MAP3K7: variants seen among roughly 807,000 people sequenced by gnomAD.
MAP3K7 encodes TGF-beta activated kinase 1.
Under a neutral mutation model 84.8 loss-of-function variants are expected in MAP3K7, and 21 were observed. That is an observed-to-expected ratio of 0.25 (90% CI 0.18 to 0.36). The LOEUF (loss-of-function observed/expected upper bound fraction) is 0.36. MAP3K7 is among the 10% of genes least tolerant of loss of function. The pLI, the probability that MAP3K7 is intolerant of heterozygous loss-of-function variation, is 1.00. For missense variants in MAP3K7, 503 were observed against 747.7 expected (o/e 0.67, Z 3.82); for synonymous variants, 241 against 247.7 (o/e 0.97, Z 0.25).
chr6:90,568,426 T>C (rs1776788012), intron 3 of MAP3K7, 132 bp downstream of exon 3: 2 of 660,348 alleles, frequency 3.0e-6, no homozygotes, highest in Non-Finnish European at 5.1e-6. Flanking sequence ...GGTACCTTTT[T>C]ATCTTGAAAA....
intron 12 of MAP3K7, chr6:90,542,417 T>G (rs897803370): frequency 2.2e-5 from 22 of 983,406 alleles, no homozygotes; most frequent in Non-Finnish European, 2.5e-5. Flanking sequence ...TATTTTCATA[T>G]GAATAGCACT....
intron 14 of MAP3K7, among the ~76,000 whole-genome samples, chr6:90,521,966 G>A (rs896851398): frequency 3.3e-5 from 5 of 151,918 alleles, no homozygotes; most frequent in Non-Finnish European, 7.4e-5. Context: ...TTGGTCAGTG[G>A]GCCTTCAAAG....
intron 11 of MAP3K7, 107 bp downstream of exon 11, chr6:90,547,151 T>A: frequency 1.9e-5 from 23 of 1,214,042 alleles, no homozygotes; most frequent in African/African-American, 3.1e-5. Context: ...ACTTCCTATT[T>A]AAAAAAAAAT....
chr6:90,568,181 T>C (rs1181421747), intron 3 of MAP3K7, among the ~76,000 whole-genome samples: 4 of 152,174 alleles, frequency 2.6e-5, no homozygotes, highest in African/African-American at 9.7e-5. Context: ...ACCTGCACGT[T>C]GTGCACATGT....
intron 12 of MAP3K7, chr6:90,536,722 A>T (rs1417281934): frequency 4.5e-6 from 1 of 224,106 alleles, no homozygotes; most frequent in Non-Finnish European, 8.9e-6. Flanking sequence ...TAAATAGATG[A>T]ATGCTTGGGG....
At chr6:90,578,053 C>T (rs998287792) in intron 1 of MAP3K7, among the ~76,000 whole-genome samples, 3 of 152,064 alleles carry the variant, frequency 2.0e-5, no homozygotes, top group Non-Finnish European at 4.4e-5. Flanking sequence ...TTTGAAATAA[C>T]CGAATTAATC....
At chr6:90,551,369 T>C (rs537035700) in intron 8 of MAP3K7, 17 of 152,268 alleles carry the variant, frequency 1.1e-4, no homozygotes, top group Non-Finnish European at 2.1e-4. Context: ...TCATAGATAT[T>C]TGAACTTTTT....
chr6:90,561,660 A>G lies in MAP3K7; in HGVS notation c.305T>C (p.Leu102Pro). ...LYGACLNPVCLVMEYAEGGSL... is the reference protein window; with the variant it reads ...LYGACLNPVCPVMEYAEGGSL... ...GCCCCCTTCAGCATATTCCATCACA[A>G]GACACACCTAAAGGAAACATATATC... The change falls in exon 4 of 17, where the codon CTT (leucine) becomes CCT (proline). Residue 102 changes from leucine (L) to proline (P), a missense_variant. Around this residue, in one of 5 missense-constraint regions of MAP3K7, gnomAD observed 97 missense variants for 270.8 expected, o/e 0.36. Coordinates refer to ENST00000369329, the MANE Select transcript of MAP3K7 (RefSeq NM_145331.3). The G allele has an allele frequency of 6.2e-7, 1 of 1,611,194 alleles. No individual in the cohort carries two copies. The highest frequency in any genetic ancestry group is 8.5e-7 in the Non-Finnish European group (1 of 1,177,440).
intron 1 of MAP3K7, among the ~76,000 whole-genome samples, chr6:90,579,116 G>A (rs956598243): frequency 6.6e-6 from 1 of 152,152 alleles, no homozygotes; most frequent in African/African-American, 2.4e-5. Context: ...GCCAGGATTT[G>A]GTCCAGTGCC....
chr6:90,561,801 A>T, intron 3 of MAP3K7, 134 bp from the exon 4 acceptor site: 2 of 659,516 alleles, frequency 3.0e-6, no homozygotes. Context: ...CTATGTGAAT[A>T]GTACTAGGGA....
chr6:90,571,546 G>A (rs960084928), intron 2 of MAP3K7, 151 bp downstream of exon 2: 2 of 425,408 alleles, frequency 4.7e-6, no homozygotes, highest in Non-Finnish European at 8.3e-6. Context: ...ACGAGAAAAT[G>A]TTCCTATGGC....
rs1264823247 is a variant in MAP3K7, at chr6:90,528,091, A to G, written c.1357-4308T>C. ...GACGGGGTTTCACCGTGTTAGCCAG[A>G]ATGGTCTCGATCTCCTGACCTCGTG... On this transcript the variant is annotated intron_variant, in intron 13 of 16. Coordinates refer to ENST00000369329, the MANE Select transcript of MAP3K7 (RefSeq NM_145331.3). Among the ~76,000 whole-genome samples the G allele has an allele frequency of 3.0e-4, 5 of 16,832 alleles. 1 individual carries two copies. In the East Asian group the frequency reaches 3.1e-3, roughly 11 times the overall value. The allele number at this position is 16,832 out of a possible 152,430, so 11.0% of individuals were successfully genotyped here. A position where few individuals can be genotyped will look rare whatever the true frequency, so the allele number is the denominator to read the frequency against.
intron 12 of MAP3K7, among the ~76,000 whole-genome samples, chr6:90,543,434 T>C (rs1205271884): frequency 6.6e-6 from 1 of 152,096 alleles, no homozygotes. Flanking sequence ...GTTCATTTAT[T>C]TAATAAATGT....
intron 1 of MAP3K7, among the ~76,000 whole-genome samples, chr6:90,586,142 G>A (rs1285026604): frequency 6.6e-6 from 1 of 151,976 alleles, no homozygotes. Context: ...GGAGGCCGAG[G>A]CGGGTGGATC....
chr6:90,551,999 C>G, intron 8 of MAP3K7, 50 bp downstream of exon 8: 1 of 1,556,096 alleles, frequency 6.4e-7, no homozygotes, highest in Non-Finnish European at 8.8e-7. Flanking sequence ...TAAAACTCAG[C>G]ACATATTAAA....
intron 8 of MAP3K7, 105 bp downstream of exon 8, chr6:90,551,944 T>C: frequency 1.6e-6 from 2 of 1,230,704 alleles, no homozygotes; most frequent in African/African-American, 1.5e-5. Context: ...AACATAGCAA[T>C]ATATAAAGCA....
intron 8 of MAP3K7, 52 bp downstream of exon 8, chr6:90,551,997 A>G: frequency 1.3e-6 from 2 of 1,556,278 alleles, no homozygotes; most frequent in South Asian, 1.2e-5. Context: ...ATTAAAACTC[A>G]GCACATATTA....
intron 16 of MAP3K7, among the ~76,000 whole-genome samples, chr6:90,517,258 C>G (rs1427266015): frequency 6.6e-6 from 1 of 151,780 alleles, no homozygotes; most frequent in Non-Finnish European, 1.5e-5. Flanking sequence ...GACCCTCATT[C>G]TTTTATAGTC....
chr6:90,538,433 G>A (rs1034425697), intron 12 of MAP3K7, among the ~76,000 whole-genome samples: 12 of 151,730 alleles, frequency 7.9e-5, no homozygotes, highest in African/African-American at 2.9e-4. Flanking sequence ...TATTATACAT[G>A]GTAGTGTAAA....
Sources: allele counts gnomAD v4.1 joint callset (sites outside exome capture counted in the v4.1 genomes callset), GRCh38; gene constraint gnomAD v4.1.1; regional missense constraint gnomAD v4.1.1; transcripts MANE v1.5; gene names NCBI Gene and HGNC (gene_info 2026-07-23, HGNC 2026-07-21).